Variants in MAGI2 observed in about 807,000 individuals in gnomAD.
The protein encoded by MAGI2 is membrane-associated guanylate kinase, WW and PDZ domain-containing protein 2.
Under a neutral mutation model 133.3 loss-of-function variants are expected in MAGI2, and 35 were observed. That is an observed-to-expected ratio of 0.26 (90% CI 0.20 to 0.35). The LOEUF is 0.35. MAGI2 is among the 10% of genes least tolerant of loss of function. The probability of loss-of-function intolerance (pLI) is 1.00; values close to 1 mark genes in which losing one functional copy is unlikely to be tolerated. For synonymous variants in MAGI2, 729 were observed against 710.6 expected, an observed-to-expected ratio of 1.03 and a Z score of -0.41; for missense variants, 1,636 against 1,863.4, an observed-to-expected ratio of 0.88 and a Z score of 2.25.
intron 9 of MAGI2, among the ~76,000 whole-genome samples, chr7:78,282,821 CACAAT>C (rs1445560847): frequency 6.6e-6 from 1 of 151,928 alleles, no homozygotes; most frequent in East Asian, 1.9e-4. Context: ...GTGGGAGGGT[CACAAT>C]ATTTGTTCAA....
At position 78,163,242 on chromosome 7, in the gene MAGI2, G is replaced by A. The variant is rs553651066; in HGVS notation, c.2597-2969C>T. Among the ~76,000 whole-genome samples, 42 of 152,120 alleles carry A rather than the reference G, an allele frequency of 2.8e-4. 2 individuals are homozygous for A. In the South Asian group the frequency reaches 4.6e-3, roughly 17 times the overall value. ...AAGCTCTGCCTCCCGAGTTCATGCCGTTCTCCTGTCTTAGCCTCCCGAGTA... is the reference window on the plus strand; with the variant it reads ...AAGCTCTGCCTCCCGAGTTCATGCCATTCTCCTGTCTTAGCCTCCCGAGTA... On this transcript the variant is annotated intron_variant, in intron 15 of 21. Coordinates refer to ENST00000354212, the MANE Select transcript of MAGI2 (RefSeq NM_012301.4).
At chr7:79,343,873 TAATC>T (rs1040970390) in intron 1 of MAGI2, among the ~76,000 whole-genome samples, 3 of 152,170 alleles carry the variant, frequency 2.0e-5, no homozygotes, top group African/African-American at 4.8e-5. Context: ...CAACAGCACT[TAATC>T]AATTACATCC....
intron 1 of MAGI2, among the ~76,000 whole-genome samples, chr7:79,219,802 C>T (rs1315178785): frequency 6.6e-6 from 1 of 151,984 alleles, no homozygotes; most frequent in Non-Finnish European, 1.5e-5. Flanking sequence ...TCTGCATAGG[C>T]TATCTGGACA....
chr7:79,362,382 T>C (rs1842426346), intron 1 of MAGI2, among the ~76,000 whole-genome samples: 2 of 152,108 alleles, frequency 1.3e-5, no homozygotes. Context: ...TTTAGAACTA[T>C]CTAAAAAGAA....
At chr7:78,687,596 G>T (rs1024006601) in intron 2 of MAGI2, among the ~76,000 whole-genome samples, 5 of 152,036 alleles carry the variant, frequency 3.3e-5, no homozygotes, top group African/African-American at 1.2e-4. Context: ...TATGTTGAAT[G>T]CATTAATAAT....
intron 1 of MAGI2, among the ~76,000 whole-genome samples, chr7:79,339,843 G>A (rs1425807352): frequency 6.6e-6 from 1 of 152,000 alleles, no homozygotes; most frequent in African/African-American, 2.4e-5. Flanking sequence ...ATCTAGTGCT[G>A]AATGCAAACA....
At chr7:78,731,760 TG>T (rs545376378) in intron 2 of MAGI2, among the ~76,000 whole-genome samples, 13 of 152,150 alleles carry the variant, frequency 8.5e-5, no homozygotes, top group South Asian at 8.3e-4. Flanking sequence ...CTCTAAGCAC[TG>T]GTTCTATTTT....
rs559185506 is a variant in MAGI2, at chr7:78,161,501, G to T, written c.2597-1228C>A. ...ATTCCATTTTGGGTCCCTAGGTATAGCATCCTATGTAGAACTCTGGAAGTT... is the reference window on the plus strand; with the variant it reads ...ATTCCATTTTGGGTCCCTAGGTATATCATCCTATGTAGAACTCTGGAAGTT... On this transcript the variant is annotated intron_variant, in intron 15 of 21. Coordinates refer to ENST00000354212, the MANE Select transcript of MAGI2 (RefSeq NM_012301.4). 2.6e-5 allele frequency among the ~76,000 whole-genome samples: 4 copies of T among 151,942 alleles called. No homozygotes were observed. The South Asian group carries it at 8.3e-4, about 32-fold the overall frequency.
chr7:78,292,961 G>A (rs1409116362), intron 9 of MAGI2, among the ~76,000 whole-genome samples: 1 of 152,136 alleles, frequency 6.6e-6, no homozygotes, highest in African/African-American at 2.4e-5. Context: ...TTAAATGTTA[G>A]ACCTAAAACC....
intron 2 of MAGI2, among the ~76,000 whole-genome samples, chr7:78,974,067 A>G (rs566308796): frequency 5.9e-5 from 9 of 151,780 alleles, no homozygotes; most frequent in African/African-American, 2.2e-4. Context: ...GCTCCATACT[A>G]TTAGATTAGC....
At chr7:79,241,682 TTTC>T (rs1563035663) in intron 1 of MAGI2, among the ~76,000 whole-genome samples, 1 of 152,188 alleles carries the variant, frequency 6.6e-6, no homozygotes. Flanking sequence ...GGGAGGTGCC[TTTC>T]ATAGCATGCC....
intron 9 of MAGI2, among the ~76,000 whole-genome samples, chr7:78,295,633 T>C (rs1225193564): frequency 6.6e-6 from 1 of 152,156 alleles, no homozygotes; most frequent in East Asian, 1.9e-4. Flanking sequence ...TAGCAATTGC[T>C]AGTCCCTTGT....
chr7:78,344,928 A>C (rs926877371), intron 8 of MAGI2, among the ~76,000 whole-genome samples: 1 of 152,222 alleles, frequency 6.6e-6, no homozygotes, highest in Non-Finnish European at 1.5e-5. Context: ...ATCACAGATA[A>C]ATATTTTATA....
intron 2 of MAGI2, among the ~76,000 whole-genome samples, chr7:78,831,920 C>T (rs1339891958): frequency 6.6e-6 from 1 of 152,066 alleles, no homozygotes; most frequent in African/African-American, 2.4e-5. Flanking sequence ...GTTATTTTCA[C>T]AACTGAACTT....
chr7:78,143,984 A>G (rs895378540), intron 16 of MAGI2, among the ~76,000 whole-genome samples: 20 of 142,808 alleles, frequency 1.4e-4, no homozygotes, highest in Admixed American at 2.8e-4. Flanking sequence ...GTGGCTGTCT[A>G]TGTTTTTAGT....
At chr7:78,237,942 G>T (rs958609204) in intron 10 of MAGI2, among the ~76,000 whole-genome samples, 1 of 152,020 alleles carries the variant, frequency 6.6e-6, no homozygotes, top group South Asian at 2.1e-4. Flanking sequence ...GACTTGAGTG[G>T]TCACGTTAGC....
chr7:78,890,053 A>G (rs938373696), intron 2 of MAGI2, among the ~76,000 whole-genome samples: 24 of 152,210 alleles, frequency 1.6e-4, no homozygotes, highest in Admixed American at 1.3e-4. Context: ...GCAAATGAAA[A>G]CAAAAAAGGC....
chr7:78,381,333 A>G (rs1161434445), intron 6 of MAGI2, among the ~76,000 whole-genome samples: 1 of 149,538 alleles, frequency 6.7e-6, no homozygotes, highest in Non-Finnish European at 1.5e-5. Flanking sequence ...GGTGACATAT[A>G]AGACTCTGTC....
chr7:78,469,115 T>C (rs1424856304), intron 6 of MAGI2, among the ~76,000 whole-genome samples: 3 of 152,172 alleles, frequency 2.0e-5, no homozygotes, highest in African/African-American at 7.2e-5. Flanking sequence ...CAGTTTATGA[T>C]ATATATCCAT....
Sources: gnomAD v4.1 joint callset for allele counts (sites outside exome capture counted in the v4.1 genomes callset) on GRCh38, gnomAD v4.1.1 for gene constraint, MANE v1.5 for transcripts, NCBI Gene and HGNC (gene_info 2026-07-23, HGNC 2026-07-21) for gene names.